Variants in ABAT observed in about 807,000 individuals in gnomAD.
The protein encoded by ABAT is 4-aminobutyrate aminotransferase, also known as 4-aminobutyrate aminotransferase, mitochondrial.
ABAT carries 45 observed loss-of-function variants against 64.6 expected under a neutral mutation model. That is an observed-to-expected ratio of 0.70 (90% CI 0.55 to 0.89). The LOEUF is 0.89. ABAT is among the 40% of genes least tolerant of loss of function. ABAT has a pLI of 0.00. For missense variants in ABAT, 633 were observed against 658.4 expected (o/e 0.96, Z 0.42); for synonymous variants, 297 against 250.5 (o/e 1.19, Z -1.75).
chr16:8,761,015 G>A (rs1567308495), intron 6 of ABAT, among the ~76,000 whole-genome samples: 1 of 152,188 alleles, frequency 6.6e-6, no homozygotes, highest in African/African-American at 2.4e-5. Flanking sequence ...GGAAGTCATT[G>A]CAGTGAGCCG....
chr16:8,722,899 T>C (rs2058414664), intron 1 of ABAT: 1 of 1,279,040 alleles, frequency 7.8e-7, no homozygotes, highest in African/African-American at 1.5e-5. Flanking sequence ...ATGGAACTCT[T>C]AGCACGCTTG....
chr16:8,753,463 G>T (rs72770135), intron 5 of ABAT, among the ~76,000 whole-genome samples: 2 of 152,158 alleles, frequency 1.3e-5, no homozygotes, highest in Non-Finnish European at 2.9e-5. Flanking sequence ...AAATGTGGGG[G>T]TCCCACAGCA....
rs999460668 is a variant in ABAT, at chr16:8,781,678, G to A, written c.*248G>A. On this transcript the variant is annotated 3_prime_UTR_variant, in exon 16 of 16. Transcript: ENST00000268251. The surrounding 1 kb of genome is among the most constrained non-coding windows in gnomAD (Gnocchi z 4.5). ...GCCCAGAGATCCTGCTTGAGCCCTG[G>A]ACTCATCTTGGGAAGGGCCATGGGA... 3 of 574,904 alleles carry A rather than the reference G, an allele frequency of 5.2e-6. No homozygotes were observed. The highest frequency in any genetic ancestry group is 9.3e-6 in the Non-Finnish European group (3 of 322,018). The allele number at this position is 574,904 out of a possible 1,614,324, so 35.6% of individuals were successfully genotyped here.
At chr16:8,763,066 G>T (rs1223924682) in intron 6 of ABAT, among the ~76,000 whole-genome samples, 3 of 146,892 alleles carry the variant, frequency 2.0e-5, no homozygotes, top group Non-Finnish European at 3.0e-5. Flanking sequence ...CTGATATCAC[G>T]CTACTGCACT....
Position 8,735,905 on chromosome 16 carries a change from A to G in ABAT, c.70+96A>G. 3 of 1,078,546 alleles carry G rather than the reference A, an allele frequency of 2.8e-6. 1 individual carries two copies. Among genetic ancestry groups the G allele is most frequent in the Non-Finnish European group, 4.1e-6 (3 of 729,022 alleles). The allele number at this position is 1,078,546 out of a possible 1,614,324, so 66.8% of individuals were successfully genotyped here. ...TGGAAGAGCCCTTGGGGATAAAGGG[A>G]CCAGCCAGTGAGTGTTTCTGGGACT... On this transcript the variant is annotated intron_variant, in intron 2 of 15. Coordinates refer to ENST00000268251, the MANE Select transcript of ABAT (RefSeq NM_020686.6).
chr16:8,680,928 G>A (rs77075146), intron 1 of ABAT, among the ~76,000 whole-genome samples: 7,425 of 151,160 alleles, frequency 0.049, 236 homozygotes, highest in Middle Eastern at 0.11. Context: ...TTGTCTTTTT[G>A]TTCTTGAGCT....
rs1249923322 is a variant in ABAT at position 8,701,253 on chromosome 16, A to G, written c.-42+26542A>G. ...CAGTCTTGACCTTAATTCTTTAACA[A>G]CAGCAGTATGGACTGTGAAGGAAAC... On this transcript the variant is annotated intron_variant, in intron 1 of 15. Transcript: ENST00000268251. Among the ~76,000 whole-genome samples, 3 of 152,224 alleles carry G rather than the reference A, an allele frequency of 2.0e-5. No homozygotes were observed. In the East Asian group the frequency reaches 5.8e-4, roughly 29 times the overall value.
In ABAT at chr16:8,771,010, G is replaced by C. The variant is rs1422741968; in HGVS notation, c.817-1770G>C. Reference sequence around the variant, plus strand: ...TACAGCACAATGCTCTAAAAACAAAGAAAAACCGGGCGCGGTGGCTCATGC... The same window carrying C: ...TACAGCACAATGCTCTAAAAACAAACAAAAACCGGGCGCGGTGGCTCATGC... On this transcript the variant is annotated intron_variant, in intron 11 of 15. Transcript: ENST00000268251. Among the ~76,000 whole-genome samples the C allele has an allele frequency of 2.6e-5, 4 of 152,094 alleles. No homozygotes were observed. The South Asian group carries it at 6.2e-4, about 24-fold the overall frequency.
chr16:8,781,310 T>C lies in ABAT; in HGVS notation c.1383T>C (p.Gly461=). 6.2e-7 allele frequency: 1 copy of C among 1,613,990 alleles called. No homozygotes were observed. The highest frequency in any genetic ancestry group is 1.3e-5 in the African/African-American group (1 of 75,022). The part of the protein sequence containing the change: ...NKLILIARNK[G]VVLGGCGDKS... ...TCACCTACCTCCTGCCTCTTTCAGG[T>C]GTGGTGTTGGGTGGCTGTGGTGACA... Residue 461 remains glycine, a splice_region_variant and synonymous_variant, in exon 16 of 16, where the codon GGT becomes GGC. Coordinates refer to ENST00000268251, the MANE Select transcript of ABAT (RefSeq NM_020686.6). This position sits in a 1 kb window ranked among gnomAD's most constrained non-coding sequence, Gnocchi z 4.5.
intron 2 of ABAT, among the ~76,000 whole-genome samples, chr16:8,743,336 G>GTC (rs1323647960): frequency 6.8e-6 from 1 of 147,554 alleles, no homozygotes; most frequent in Non-Finnish European, 1.5e-5. Context: ...GTGTGTGTGT[G>GTC]TGTGTGTGTG....
At chr16:8,698,871 A>G (rs1392903029) in intron 1 of ABAT, among the ~76,000 whole-genome samples, 1 of 152,150 alleles carries the variant, frequency 6.6e-6, no homozygotes, top group Non-Finnish European at 1.5e-5. Flanking sequence ...ACTTGAACCA[A>G]GGAGGTGGAG....
Position 8,764,318 on chromosome 16 carries a change from G to A in ABAT, c.447+169G>A, listed in dbSNP as rs960754218. Reference sequence around the variant, plus strand: ...AATTTTTCTTTTAAAGGACAGAAGGGATTCTTTGTGTGCAGGACAAAAGGA... The same window carrying A: ...AATTTTTCTTTTAAAGGACAGAAGGAATTCTTTGTGTGCAGGACAAAAGGA... On this transcript the variant is annotated intron_variant, in intron 7 of 15. Coordinates refer to ENST00000268251, the MANE Select transcript of ABAT (RefSeq NM_020686.6). This position sits in a 1 kb window ranked among gnomAD's most constrained non-coding sequence, Gnocchi z 4.2. Among the ~76,000 whole-genome samples, 1 of 152,128 alleles carries A rather than the reference G, an allele frequency of 6.6e-6. No homozygotes were observed. Among genetic ancestry groups the A allele is most frequent in the Non-Finnish European group, 1.5e-5 (1 of 68,020 alleles).
In ABAT at chr16:8,783,120, C is replaced by G. The variant is rs2060477291; in HGVS notation, c.*1690C>G. The G allele has an allele frequency of 6.6e-6, 1 of 152,186 alleles. No individual in the cohort carries two copies. Among genetic ancestry groups the G allele is most frequent in the Non-Finnish European group, 1.5e-5 (1 of 68,046 alleles). 9.4% of individuals were successfully genotyped at this position (152,186 alleles called of 1,614,324 possible). On this transcript the variant is annotated 3_prime_UTR_variant, in exon 16 of 16. Transcript: ENST00000268251. Reference sequence around the variant, plus strand: ...TCTGCCAGGTTTAAGGTCACCTGCACTCCCAGCCAAGTGGTGATGTATGCC... The same window carrying G: ...TCTGCCAGGTTTAAGGTCACCTGCAGTCCCAGCCAAGTGGTGATGTATGCC...
chr16:8,748,272 T>C, intron 4 of ABAT, 135 bp downstream of exon 4: 1 of 729,200 alleles, frequency 1.4e-6, no homozygotes, highest in East Asian at 2.8e-5. Flanking sequence ...TTTTCTCATT[T>C]CCTTTGTGAT....
At chr16:8,757,395 T>C in intron 5 of ABAT, 1 of 358,990 alleles carries the variant, frequency 2.8e-6, no homozygotes, top group Non-Finnish European at 5.4e-6. Flanking sequence ...CTGGAACTCC[T>C]GACCTCAAGT....
At chr16:8,719,630 G>A (rs898432406) in intron 1 of ABAT, among the ~76,000 whole-genome samples, 6 of 152,104 alleles carry the variant, frequency 3.9e-5, no homozygotes, top group African/African-American at 1.2e-4. Context: ...CAGGACCACC[G>A]CATGTGCCAA....
intron 8 of ABAT, 148 bp from the exon 9 acceptor site, chr16:8,766,060 A>G: frequency 1.4e-6 from 1 of 732,504 alleles, no homozygotes; most frequent in Non-Finnish European, 2.4e-6. Flanking sequence ...CTCACGTTTC[A>G]GTACAGACCT....
chr16:8,776,346 C>T lies in ABAT; in HGVS notation c.1125C>T (p.Pro375=), dbSNP rs755056622. The change falls in exon 14 of 16, where the codon CCC becomes CCT. Residue 375 remains proline, a splice_region_variant and synonymous_variant. Transcript: ENST00000268251. The surrounding 1 kb of genome is among the most constrained non-coding windows in gnomAD (Gnocchi z 4.4). The part of the protein sequence containing the change: ...FHKEEFRPNA[P]YRIFNTWLGD... The stretch of plus-strand genomic sequence containing the variant: ...CCAACACCCGTTCCTCATTCCAGCC[C>T]TACCGGATCTTCAACACCTGGCTGG... 1 of 1,614,196 alleles carries T rather than the reference C, an allele frequency of 6.2e-7. No individual in the cohort carries two copies. Among genetic ancestry groups the T allele is most frequent in the Admixed American group, 1.7e-5 (1 of 60,026 alleles).
Position 8,746,206 on chromosome 16 carries a change from A to G in ABAT, c.168+108A>G, listed in dbSNP as rs908921829. The G allele has an allele frequency of 1.6e-5, 14 of 851,328 alleles. No homozygotes were observed. The Admixed American group carries it at 2.8e-4, about 17-fold the overall frequency. The allele number at this position is 851,328 out of a possible 1,614,324, so 52.7% of individuals were successfully genotyped here. A position where few individuals can be genotyped will look rare whatever the true frequency, so the allele number is the denominator to read the frequency against. ...CCTGTATTGATTGTCAGCTGCTTTCAGAGAGTTCACCACCAGAGATCTGAG... is the reference window on the plus strand; with the variant it reads ...CCTGTATTGATTGTCAGCTGCTTTCGGAGAGTTCACCACCAGAGATCTGAG... On this transcript the variant is annotated intron_variant, in intron 3 of 15. Coordinates refer to ENST00000268251, the MANE Select transcript of ABAT (RefSeq NM_020686.6).
Sources: gnomAD v4.1 joint callset for allele counts (sites outside exome capture counted in the v4.1 genomes callset) on GRCh38, gnomAD v4.1.1 for gene constraint, Gnocchi (gnomAD v3.1) non-coding constraint, MANE v1.5 for transcripts, NCBI Gene and HGNC (gene_info 2026-07-23, HGNC 2026-07-21) for gene names.